Variants in FBXO34 observed in about 807,000 individuals in gnomAD.
The protein encoded by FBXO34 is F-box protein 34.
A neutral mutation model predicts 24.5 loss-of-function variants in FBXO34; 12 were observed. The observed-to-expected ratio is 0.49, with a 90% confidence interval of 0.31 to 0.79. The LOEUF (loss-of-function observed/expected upper bound fraction) is 0.79. FBXO34 is among the 30% of genes least tolerant of loss of function. The pLI is 0.04. For synonymous variants in FBXO34, 320 were observed against 311.9 expected (o/e 1.03, Z -0.27); for missense variants, 823 against 857.7 (o/e 0.96, Z 0.51).
intron 1 of FBXO34, among the ~76,000 whole-genome samples, chr14:55,275,551 A>G (rs1881305831): frequency 6.6e-6 from 1 of 152,002 alleles, no homozygotes; most frequent in Admixed American, 6.6e-5. Flanking sequence ...GCAGTGGCTC[A>G]TGCCTGTGAT....
chr14:55,422,689 G>A, the FBXO34 span, among the ~76,000 whole-genome samples: 1 of 151,864 alleles, frequency 6.6e-6, no homozygotes, highest in South Asian at 2.1e-4. Context: ...CCATCTCTTC[G>A]AAAAATACAA....
chr14:55,381,578 G>C, the FBXO34 span, among the ~76,000 whole-genome samples: 3 of 152,302 alleles, frequency 2.0e-5, no homozygotes, highest in East Asian at 5.8e-4. Flanking sequence ...AAAAACGAAT[G>C]AAACACTAAT....
At chr14:55,283,972 G>GTGTC (rs1231833484) in intron 1 of FBXO34, among the ~76,000 whole-genome samples, 4 of 148,452 alleles carry the variant, frequency 2.7e-5, no homozygotes, top group East Asian at 1.9e-4. Flanking sequence ...GTGTGTGTGT[G>GTGTC]TGTCTGTGTG....
chr14:55,398,242 C>T, the FBXO34 span, among the ~76,000 whole-genome samples: 10,608 of 152,134 alleles, frequency 0.07, 440 homozygotes, highest in South Asian at 0.11. Context: ...TGAGCCACCG[C>T]GCCCAGCATA....
chr14:55,343,241 ATTTT>A (rs377334751), intron 1 of FBXO34, among the ~76,000 whole-genome samples: 16 of 130,846 alleles, frequency 1.2e-4, no homozygotes, highest in South Asian at 2.4e-4. Context: ...TATTCCTCCG[ATTTT>A]TTTTTTTTTT....
At chr14:55,273,385 T>C (rs1375596109) in intron 1 of FBXO34, among the ~76,000 whole-genome samples, 1 of 152,208 alleles carries the variant, frequency 6.6e-6, no homozygotes, top group African/African-American at 2.4e-5. Context: ...TACATGTTAT[T>C]TTGATCCTCA....
the FBXO34 span, chr14:55,395,839 T>G: frequency 1.2e-6 from 1 of 859,434 alleles, no homozygotes; most frequent in Non-Finnish European, 1.6e-6. Flanking sequence ...AGAGGACTGC[T>G]AAATACGATT....
chr14:55,275,888 A>G (rs1881325224), intron 1 of FBXO34, among the ~76,000 whole-genome samples: 1 of 151,118 alleles, frequency 6.6e-6, no homozygotes, highest in Admixed American at 6.6e-5. Context: ...TGTTAGTTAA[A>G]GGTCAATTTA....
chr14:55,439,621 C>T, the FBXO34 span, among the ~76,000 whole-genome samples: 2 of 138,112 alleles, frequency 1.4e-5, no homozygotes, highest in Non-Finnish European at 3.2e-5. Context: ...CAAACCCCCC[C>T]CCGTCTCTAC....
chr14:55,441,363 C>T, the FBXO34 span, among the ~76,000 whole-genome samples: 1 of 151,674 alleles, frequency 6.6e-6, no homozygotes, highest in Non-Finnish European at 1.5e-5. Context: ...GGTATGTTAC[C>T]TAGGCTGGTC....
At chr14:55,357,366 A>G (rs943101162), downstream of FBXO34, among the ~76,000 whole-genome samples, 2 of 152,248 alleles carry the variant, frequency 1.3e-5, no homozygotes, top group Admixed American at 6.5e-5. Context: ...GCAAAGCAGA[A>G]CAAAACCTTT....
At chr14:55,369,235 A>G (rs1884754467), downstream of FBXO34, 1 of 161,776 alleles carries the variant, frequency 6.2e-6, no homozygotes, top group Non-Finnish European at 1.3e-5. Flanking sequence ...TAAAACTTAA[A>G]GTGTCAGGAA....
chr14:55,306,164 C>T (rs148155345), intron 1 of FBXO34, among the ~76,000 whole-genome samples: 49 of 152,302 alleles, frequency 3.2e-4, no homozygotes, highest in African/African-American at 1.0e-3. Flanking sequence ...TATGTGAACA[C>T]TAAACTTCCA....
intron 1 of FBXO34, among the ~76,000 whole-genome samples, chr14:55,283,876 T>G (rs2139654813): frequency 6.6e-6 from 1 of 152,326 alleles, no homozygotes; most frequent in Middle Eastern, 3.4e-3. Flanking sequence ...TTCACATTTT[T>G]GTTTTATTAG....
chr14:55,376,777 C>G, the FBXO34 span, among the ~76,000 whole-genome samples: 1 of 152,130 alleles, frequency 6.6e-6, no homozygotes, highest in Non-Finnish European at 1.5e-5. Context: ...AAATATATAA[C>G]CATATCACAT....
intron 1 of FBXO34, among the ~76,000 whole-genome samples, chr14:55,313,008 G>T (rs752406313): frequency 6.6e-6 from 1 of 152,112 alleles, no homozygotes; most frequent in East Asian, 1.9e-4. Context: ...ACATCATCAG[G>T]CTGCAAATTT....
chr14:55,351,547 G>C lies in FBXO34; in HGVS notation c.1157G>C (p.Ser386Thr), dbSNP rs1884376028. The change falls in exon 2 of 2, where the codon AGT becomes ACT. Residue 386 changes from serine to threonine, a missense_variant. Ser to Thr is a moderately conservative substitution (Grantham distance 58). Around this residue, in one of 2 missense-constraint regions of FBXO34, gnomAD observed 693 missense variants for 659.1 expected, o/e 1.05. Transcript: ENST00000313833. ...LPAGVSFHIDSAELEPGSQTA... is the reference protein window; with the variant it reads ...LPAGVSFHIDTAELEPGSQTA... ...GCAGGAGTGAGTTTCCACATAGACAGTGCAGAGTTAGAGCCGGGTTCGCAA... is the reference window on the plus strand; with the variant it reads ...GCAGGAGTGAGTTTCCACATAGACACTGCAGAGTTAGAGCCGGGTTCGCAA... The C allele has an allele frequency of 6.2e-7, 1 of 1,614,086 alleles. No homozygotes were observed. Among genetic ancestry groups the C allele is most frequent in the Admixed American group, 1.7e-5 (1 of 60,008 alleles).
At chr14:55,364,573 C>T (rs983430579), downstream of FBXO34, among the ~76,000 whole-genome samples, 1 of 151,770 alleles carries the variant, frequency 6.6e-6, no homozygotes, top group African/African-American at 2.4e-5. Context: ...TACAGGCATG[C>T]ACCACGACAC....
the FBXO34 span, among the ~76,000 whole-genome samples, chr14:55,401,700 C>A: frequency 6.6e-6 from 1 of 152,082 alleles, no homozygotes; most frequent in Admixed American, 6.6e-5. Context: ...TTCCAGCAGT[C>A]CCTCTGTGAT....
Sources: allele counts gnomAD v4.1 joint callset (sites outside exome capture counted in the v4.1 genomes callset), GRCh38; gene constraint gnomAD v4.1.1; regional missense constraint gnomAD v4.1.1; transcripts MANE v1.5; gene names NCBI Gene and HGNC (gene_info 2026-07-23, HGNC 2026-07-21).